The following CDK5RAP2 variants were observed in gnomAD, a reference collection of about 807,000 sequenced individuals.
The protein encoded by CDK5RAP2 is CDK5 regulatory subunit-associated protein 2.
CDK5RAP2 carries 147 observed loss-of-function variants against 232.9 expected under a neutral mutation model. The ratio of observed to expected loss-of-function variants is 0.63; its 90% CI spans 0.55 to 0.72. The LOEUF is 0.72. Among genes scored for constraint, CDK5RAP2 ranks in the 30% least tolerant of loss-of-function variants. CDK5RAP2 has a pLI of 0.00. For synonymous variants in CDK5RAP2, 833 were observed against 833.7 expected (o/e 1.00, Z 0.01); for missense variants, 2,195 against 2,231.5 (o/e 0.98, Z 0.33).
chr9:120,434,945 G>A (rs1360347922), intron 25 of CDK5RAP2, among the ~76,000 whole-genome samples: 8 of 152,076 alleles, frequency 5.3e-5, no homozygotes, highest in Non-Finnish European at 1.0e-4. Context: ...GGGAAAAGGA[G>A]AAAAATAATG....
intron 27 of CDK5RAP2, among the ~76,000 whole-genome samples, chr9:120,416,250 C>A (rs574279088): frequency 7.2e-5 from 11 of 152,322 alleles, no homozygotes; most frequent in African/African-American, 2.4e-4. Flanking sequence ...TGAGGCCAAT[C>A]GCAAGCCCCC....
intron 14 of CDK5RAP2, among the ~76,000 whole-genome samples, chr9:120,479,779 G>A (rs1408923692): frequency 6.6e-6 from 1 of 152,194 alleles, no homozygotes; most frequent in African/African-American, 2.4e-5. Flanking sequence ...GCATGATCCT[G>A]AATAGGATCC....
intron 25 of CDK5RAP2, among the ~76,000 whole-genome samples, chr9:120,434,572 T>C (rs2035465167): frequency 6.6e-6 from 1 of 152,058 alleles, no homozygotes; most frequent in Non-Finnish European, 1.5e-5. Context: ...GCCTGCAGCA[T>C]CCAGGTGAGA....
intron 9 of CDK5RAP2, among the ~76,000 whole-genome samples, chr9:120,528,372 G>A (rs1470872506): frequency 6.6e-6 from 1 of 152,182 alleles, no homozygotes; most frequent in Non-Finnish European, 1.5e-5. Context: ...GATCAAACAG[G>A]ATAATGGATG....
At chr9:120,412,922 G>A (rs1007828147) in intron 28 of CDK5RAP2, among the ~76,000 whole-genome samples, 6 of 152,098 alleles carry the variant, frequency 3.9e-5, no homozygotes, top group Admixed American at 3.3e-4. Flanking sequence ...TCTCCCCTGC[G>A]AACTCTGGTA....
At chr9:120,517,320 T>C (rs10984936) in intron 12 of CDK5RAP2, among the ~76,000 whole-genome samples, 16,257 of 152,214 alleles carry the variant, frequency 0.11, 1,129 homozygotes, top group East Asian at 0.28. Context: ...GTGTTAACAC[T>C]GGGATTTCAC....
intron 12 of CDK5RAP2, among the ~76,000 whole-genome samples, chr9:120,501,297 CCAT>C (rs1165293949): frequency 6.6e-6 from 1 of 152,188 alleles, no homozygotes; most frequent in Non-Finnish European, 1.5e-5. Flanking sequence ...GTGTGCTCAG[CCAT>C]CATCTTCTCA....
At chr9:120,404,899 C>T (rs2033329193) in intron 32 of CDK5RAP2, among the ~76,000 whole-genome samples, 1 of 152,198 alleles carries the variant, frequency 6.6e-6, no homozygotes, top group Admixed American at 6.5e-5. Flanking sequence ...ATATGAAAAG[C>T]TATTGGACTC....
chr9:120,428,058 C>T (rs10984910), intron 25 of CDK5RAP2, among the ~76,000 whole-genome samples: 65,986 of 151,876 alleles, frequency 0.43, 15,526 homozygotes, highest in South Asian at 0.52. Flanking sequence ...TTGAAGCCAA[C>T]GAGAACAAAG....
chr9:120,398,962 A>G (rs2032750548), intron 35 of CDK5RAP2, among the ~76,000 whole-genome samples: 2 of 152,228 alleles, frequency 1.3e-5, no homozygotes, highest in African/African-American at 4.8e-5. Context: ...AAGGCACTGT[A>G]TGAAACACAG....
chr9:120,497,860 A>G (rs2039386062), intron 12 of CDK5RAP2, among the ~76,000 whole-genome samples: 1 of 152,130 alleles, frequency 6.6e-6, no homozygotes, highest in Admixed American at 6.5e-5. Context: ...TTGGAACACC[A>G]AGCTCTGTGC....
chr9:120,465,702 TA>T (rs1287014576), intron 18 of CDK5RAP2, among the ~76,000 whole-genome samples: 5 of 145,754 alleles, frequency 3.4e-5, no homozygotes, highest in Admixed American at 6.7e-5. Flanking sequence ...GAATCAACTC[TA>T]AGGAAAAAAA....
rs1384367655 is a variant in CDK5RAP2 at position 120,403,105 on chromosome 9, T to G, written c.5042-34A>C. The G allele has an allele frequency of 6.2e-7, 1 of 1,610,994 alleles. No homozygotes were observed. On this transcript the variant is annotated intron_variant, in intron 33 of 37. Transcript: ENST00000349780. The surrounding 1 kb of genome is among the most constrained non-coding windows in gnomAD (Gnocchi z 4.2). ...TGAGAAGTAGGATGTAAAATCTGTT[T>G]CAGGTAACACTCTGCGTTCAAGACG...
intron 11 of CDK5RAP2, among the ~76,000 whole-genome samples, chr9:120,522,247 A>G (rs2040701309): frequency 6.6e-6 from 1 of 152,234 alleles, no homozygotes; most frequent in Non-Finnish European, 1.5e-5. Flanking sequence ...TGGCAGTGAT[A>G]TTACATCACA....
intron 22 of CDK5RAP2, 95 bp downstream of exon 22, chr9:120,447,800 C>T: frequency 2.2e-6 from 2 of 926,928 alleles, no homozygotes; most frequent in Non-Finnish European, 1.8e-6. Context: ...TATACTCAAA[C>T]TTATTGCAAT....
At chr9:120,452,749 A>T (rs1035248764) in intron 21 of CDK5RAP2, among the ~76,000 whole-genome samples, 26 of 151,664 alleles carry the variant, frequency 1.7e-4, no homozygotes, top group Non-Finnish European at 1.2e-4. Context: ...CATTCACTCA[A>T]CAAACCCGGG....
At chr9:120,397,375 A>AT (rs1292367575) in intron 35 of CDK5RAP2, among the ~76,000 whole-genome samples, 3 of 151,600 alleles carry the variant, frequency 2.0e-5, no homozygotes, top group Admixed American at 2.0e-4. Flanking sequence ...TCTATAAAAT[A>AT]TTTTACTAGA....
At chr9:120,497,421 T>TAAAAAAAAAAAAAA (rs71385064) in intron 12 of CDK5RAP2, among the ~76,000 whole-genome samples, 29 of 23,296 alleles carry the variant, frequency 1.2e-3, no homozygotes, top group Admixed American at 1.7e-3. Context: ...AAAATAAATT[T>TAAAAAAAAAAAAAA]AAAAAAAAAA....
chr9:120,393,834 G>C (rs188881897), intron 36 of CDK5RAP2, among the ~76,000 whole-genome samples: 194 of 152,252 alleles, frequency 1.3e-3, no homozygotes, highest in Admixed American at 3.5e-3. Flanking sequence ...CCCTCCTCTG[G>C]ATCCCCAGCG....
Sources: gnomAD v4.1 joint callset for allele counts (sites outside exome capture counted in the v4.1 genomes callset) on GRCh38, gnomAD v4.1.1 for gene constraint, Gnocchi (gnomAD v3.1) non-coding constraint, MANE v1.5 for transcripts, NCBI Gene and HGNC (gene_info 2026-07-23, HGNC 2026-07-21) for gene names.